Variants in PSMD1 observed in about 807,000 individuals in gnomAD.
The protein encoded by PSMD1 is proteasome 26S subunit, non-ATPase 1.
A neutral mutation model predicts 119.0 loss-of-function variants in PSMD1; 18 were observed. That is an observed-to-expected ratio of 0.15 (90% CI 0.10 to 0.22). PSMD1 has a LOEUF of 0.22. Ranked by LOEUF, PSMD1 falls within the 10% of genes least tolerant of loss-of-function variation. PSMD1 has a pLI of 1.00. For synonymous variants in PSMD1, 374 were observed against 396.6 expected (o/e 0.94, Z 0.68); for missense variants, 702 against 1,158.5 (o/e 0.61, Z 5.72).
At chr2:231,134,908 A>G (rs899263199) in intron 16 of PSMD1, among the ~76,000 whole-genome samples, 46 of 152,222 alleles carry the variant, frequency 3.0e-4, no homozygotes, top group African/African-American at 1.0e-3. Flanking sequence ...TTAGTAGAAA[A>G]TACTTGCTGT....
At chr2:231,132,089 C>G (rs1228673562) in intron 16 of PSMD1, among the ~76,000 whole-genome samples, 1 of 152,070 alleles carries the variant, frequency 6.6e-6, no homozygotes, top group Non-Finnish European at 1.5e-5. Context: ...TATTTATGTT[C>G]TCAGGCAAAA....
At chr2:231,122,622 T>G (rs1695583075) in intron 16 of PSMD1, among the ~76,000 whole-genome samples, 1 of 152,126 alleles carries the variant, frequency 6.6e-6, no homozygotes, top group South Asian at 2.1e-4. Context: ...TTATCCAAAT[T>G]TTATAACTAG....
intron 4 of PSMD1, among the ~76,000 whole-genome samples, chr2:231,065,293 G>C (rs993164867): frequency 1.3e-5 from 2 of 149,118 alleles, no homozygotes; most frequent in Non-Finnish European, 3.0e-5. Context: ...TTGTTTTTTT[G>C]TTTTTTTGTT....
chr2:231,170,502 A>C lies in PSMD1; in HGVS notation c.2716-64A>C. On this transcript the variant is annotated intron_variant, in intron 23 of 24. Transcript: ENST00000308696. The surrounding 1 kb of genome is among the most constrained non-coding windows in gnomAD (Gnocchi z 4.1). ...TTAAAGTACCATTTAACAAGTATTT[A>C]CTCTAGATTGTGGAGCACGCTTGAA... 6.9e-7 allele frequency: 1 copy of C among 1,449,136 alleles called. No homozygotes were observed. Among genetic ancestry groups the C allele is most frequent in the Non-Finnish European group, 9.2e-7 (1 of 1,083,226 alleles). 89.8% of individuals were successfully genotyped at this position (1,449,136 alleles called of 1,614,324 possible). A position where few individuals can be genotyped will look rare whatever the true frequency, so the allele number is the denominator to read the frequency against.
At chr2:231,078,788 TTTC>T (rs768782773) in intron 10 of PSMD1, 41 bp downstream of exon 10, 17 of 1,226,182 alleles carry the variant, frequency 1.4e-5, no homozygotes, top group African/African-American at 1.6e-5. Context: ...TCAAAATCTT[TTTC>T]TTTTTTTTTT....
chr2:231,065,589 G>A (rs775609393), intron 4 of PSMD1, among the ~76,000 whole-genome samples: 14 of 152,072 alleles, frequency 9.2e-5, no homozygotes, highest in Non-Finnish European at 1.5e-4. Context: ...GTGGGCCACC[G>A]CGCCCGGCCA....
At chr2:231,155,944 C>G (rs534304007) in intron 19 of PSMD1, among the ~76,000 whole-genome samples, 12 of 152,134 alleles carry the variant, frequency 7.9e-5, no homozygotes, top group Non-Finnish European at 1.3e-4. Context: ...ATGTAGGTTT[C>G]CATAGTTTCT....
At chr2:231,104,118 G>A (rs76894742) in intron 16 of PSMD1, among the ~76,000 whole-genome samples, 1,802 of 152,140 alleles carry the variant, frequency 0.012, 17 homozygotes, top group Middle Eastern at 0.027. Context: ...GTTTTGTATT[G>A]TCAGTGACTT....
intron 5 of PSMD1, among the ~76,000 whole-genome samples, chr2:231,067,718 G>A (rs1390152902): frequency 2.0e-5 from 3 of 151,770 alleles, no homozygotes; most frequent in Non-Finnish European, 2.9e-5. Context: ...GTGCGGTGGC[G>A]CAATCTTGGC....
chr2:231,072,903 A>G lies in PSMD1; in HGVS notation c.881+488A>G, dbSNP rs940251711. Among the ~76,000 whole-genome samples, 6 of 152,274 alleles carry G rather than the reference A, an allele frequency of 3.9e-5. No homozygotes were observed. In the South Asian group the frequency reaches 1.2e-3, roughly 32 times the overall value. ...TTTCTGTATTTTACACGTTTAGATC[A>G]CTTACTAAAAACATTTGTGTGTCTT... is the stretch of plus-strand genomic sequence containing the variant. On this transcript the variant is annotated intron_variant, in intron 7 of 24. Transcript: ENST00000308696.
intron 16 of PSMD1, among the ~76,000 whole-genome samples, chr2:231,096,079 T>A (rs1347176842): frequency 6.6e-6 from 1 of 152,182 alleles, no homozygotes; most frequent in Non-Finnish European, 1.5e-5. Context: ...TCAAACCTCT[T>A]GTAAATGGGC....
chr2:231,085,245 A>G, intron 15 of PSMD1, 131 bp downstream of exon 15: 3 of 727,572 alleles, frequency 4.1e-6, no homozygotes, highest in Non-Finnish European at 4.9e-6. Flanking sequence ...ATTCTCATTT[A>G]CTGGACCCAA....
At chr2:231,101,955 A>G (rs1694878455) in intron 16 of PSMD1, among the ~76,000 whole-genome samples, 1 of 152,136 alleles carries the variant, frequency 6.6e-6, no homozygotes, top group Admixed American at 6.5e-5. Flanking sequence ...AGCAGAGACT[A>G]CAGGCACTCA....
intron 13 of PSMD1, 105 bp from the exon 14 acceptor site, chr2:231,083,462 T>C (rs1694362353): frequency 2.5e-6 from 3 of 1,192,214 alleles, no homozygotes; most frequent in East Asian, 2.4e-5. Flanking sequence ...CAGAAGCTAA[T>C]GATTTTTTTG....
Position 231,161,525 on chromosome 2 carries a change from C to T in PSMD1, c.2388+16C>T, listed in dbSNP as rs1215523331. On this transcript the variant is annotated intron_variant, in intron 20 of 24. Transcript: ENST00000308696. ...GGACTTAAAGGTATGTCTGTGAGACCTCAGCTTTGTAGTATTTCCTGTTCA... is the reference window on the plus strand; with the variant it reads ...GGACTTAAAGGTATGTCTGTGAGACTTCAGCTTTGTAGTATTTCCTGTTCA... 6.2e-7 allele frequency: 1 copy of T among 1,603,252 alleles called. No individual in the cohort carries two copies. Among genetic ancestry groups the T allele is most frequent in the Non-Finnish European group, 8.5e-7 (1 of 1,172,618 alleles).
At chr2:231,061,039 A>C (rs959502844) in intron 1 of PSMD1, among the ~76,000 whole-genome samples, 1 of 152,256 alleles carries the variant, frequency 6.6e-6, no homozygotes, top group African/African-American at 2.4e-5. Flanking sequence ...AAACCATTGA[A>C]TTAGGCAAAT....
intron 18 of PSMD1, among the ~76,000 whole-genome samples, chr2:231,150,833 T>C (rs1696361981): frequency 6.6e-6 from 1 of 152,110 alleles, no homozygotes; most frequent in Non-Finnish European, 1.5e-5. Context: ...AACTGATCCT[T>C]GATGTACAGC....
Position 231,078,710 on chromosome 2 carries a change from T to G in PSMD1, c.1123T>G (p.Phe375Val), listed in dbSNP as rs1694227819. ...CHTATVIANS[F>V]MHCGTTSDQF... ...TACTGCAACCGTTATAGCAAACTCT[T>G]TTATGCACTGTGGGACAACCAGTGA... The change falls in exon 10 of 25, where the codon TTT (phenylalanine) becomes GTT (valine). Residue 375 changes from phenylalanine (F) to valine (V), a missense_variant. Coordinates refer to ENST00000308696, the MANE Select transcript of PSMD1 (RefSeq NM_002807.4). The G allele has an allele frequency of 6.2e-7, 1 of 1,610,814 alleles. No homozygotes were observed. Among genetic ancestry groups the G allele is most frequent in the Admixed American group, 1.7e-5 (1 of 59,694 alleles).
At chr2:231,087,505 A>G (rs971209242) in intron 16 of PSMD1, among the ~76,000 whole-genome samples, 2 of 152,216 alleles carry the variant, frequency 1.3e-5, no homozygotes, top group African/African-American at 2.4e-5. Context: ...GGTAGTTCAA[A>G]TGGATATTAT....
Sources: allele counts gnomAD v4.1 joint callset (sites outside exome capture counted in the v4.1 genomes callset), GRCh38; gene constraint gnomAD v4.1.1; non-coding constraint Gnocchi (gnomAD v3.1); transcripts MANE v1.5; gene names NCBI Gene and HGNC (gene_info 2026-07-23, HGNC 2026-07-21).